GRM8: variants seen among roughly 807,000 people sequenced by gnomAD.
GRM8 encodes metabotropic glutamate receptor 8.
In GRM8, 47 loss-of-function variants were observed where a neutral mutation model predicts 87.2. The observed-to-expected ratio is 0.54, with a 90% confidence interval of 0.43 to 0.69. The LOEUF is 0.69. Among genes scored for constraint, GRM8 ranks in the 30% least tolerant of loss-of-function variants. The pLI, the probability that GRM8 is intolerant of heterozygous loss-of-function variation, is 0.00. For synonymous variants in GRM8, 396 were observed against 404.5 expected, an observed-to-expected ratio of 0.98 and a Z score of 0.25; for missense variants, 1,019 against 1,139.2, an observed-to-expected ratio of 0.89 and a Z score of 1.52.
intron 7 of GRM8, among the ~76,000 whole-genome samples, chr7:126,716,528 C>T (rs937593641): frequency 2.6e-5 from 4 of 152,118 alleles, no homozygotes; most frequent in African/African-American, 9.7e-5. Flanking sequence ...GCTGCTAGAA[C>T]GTATGACTTC....
intron 9 of GRM8, among the ~76,000 whole-genome samples, chr7:126,529,984 G>T (rs1814543686): frequency 6.6e-6 from 1 of 151,954 alleles, no homozygotes; most frequent in South Asian, 2.1e-4. Flanking sequence ...AAATCTATTG[G>T]GAAAAATGAT....
chr7:126,862,320 C>T (rs1452169483), intron 6 of GRM8, among the ~76,000 whole-genome samples: 2 of 151,880 alleles, frequency 1.3e-5, no homozygotes, highest in East Asian at 3.8e-4. Context: ...AAAATAATAA[C>T]TAGATATCTT....
intron 7 of GRM8, among the ~76,000 whole-genome samples, chr7:126,616,263 T>C (rs544268120): frequency 7.2e-5 from 11 of 152,176 alleles, no homozygotes; most frequent in East Asian, 3.8e-4. Context: ...AACAACCTGC[T>C]CCTGAATGAC....
At chr7:126,494,557 G>C (rs1200210485) in intron 9 of GRM8, among the ~76,000 whole-genome samples, 1 of 151,894 alleles carries the variant, frequency 6.6e-6, no homozygotes, top group Non-Finnish European at 1.5e-5. Context: ...GTAACTGATT[G>C]CAAGCACTTA....
intron 6 of GRM8, among the ~76,000 whole-genome samples, chr7:126,872,019 T>C (rs1799142838): frequency 6.6e-6 from 1 of 152,160 alleles, no homozygotes; most frequent in Admixed American, 6.5e-5. Flanking sequence ...TGTGCAGATA[T>C]TGCCAGCCCA....
rs529464678 is a variant in GRM8, at chr7:126,890,409, T to C, written c.1156+12133A>G. Among the ~76,000 whole-genome samples, 9 of 152,204 alleles carry C rather than the reference T, an allele frequency of 5.9e-5. No individual in the cohort carries two copies. The East Asian group carries it at 1.6e-3, about 26-fold the overall frequency. ...CTAGCTAAAAATGGGAAAACATAATTAGGAGAACCTTGAACTATCTCACAT... is the reference window on the plus strand; with the variant it reads ...CTAGCTAAAAATGGGAAAACATAATCAGGAGAACCTTGAACTATCTCACAT... On this transcript the variant is annotated intron_variant, in intron 6 of 10. Coordinates refer to ENST00000339582, the MANE Select transcript of GRM8 (RefSeq NM_000845.3).
intron 3 of GRM8, chr7:127,076,163 T>C: frequency 2.2e-6 from 1 of 456,594 alleles, no homozygotes; most frequent in Non-Finnish European, 4.4e-6. Context: ...GAAGCAGAAA[T>C]TGGTAAACAA....
intron 7 of GRM8, among the ~76,000 whole-genome samples, chr7:126,614,708 C>T (rs962788098): frequency 2.0e-4 from 31 of 152,022 alleles, no homozygotes; most frequent in Admixed American, 1.8e-3. Flanking sequence ...AACTATGGCA[C>T]GAGAAATACG....
intron 3 of GRM8, among the ~76,000 whole-genome samples, chr7:127,063,272 CA>C (rs1820798433): frequency 6.6e-6 from 1 of 150,568 alleles, no homozygotes; most frequent in African/African-American, 2.5e-5. Context: ...AACAAACAAA[CA>C]AAAAAGCAAC....
chr7:127,073,097 C>T (rs562160925), intron 3 of GRM8, among the ~76,000 whole-genome samples: 13 of 152,234 alleles, frequency 8.5e-5, no homozygotes, highest in Admixed American at 4.6e-4. Context: ...GTAGGAAGAA[C>T]GCCTTCCTCT....
intron 2 of GRM8, among the ~76,000 whole-genome samples, chr7:127,210,378 T>C (rs1317970641): frequency 6.6e-6 from 1 of 152,190 alleles, no homozygotes; most frequent in Non-Finnish European, 1.5e-5. Flanking sequence ...GAGCTGGGCA[T>C]TGGCTAAAAA....
At chr7:126,734,278 A>G (rs1813946012) in intron 7 of GRM8, among the ~76,000 whole-genome samples, 1 of 151,938 alleles carries the variant, frequency 6.6e-6, no homozygotes, top group Non-Finnish European at 1.5e-5. Context: ...AAGTGGATAA[A>G]TTTTAAAACA....
intron 7 of GRM8, among the ~76,000 whole-genome samples, chr7:126,697,950 A>C (rs947450641): frequency 5.3e-5 from 8 of 152,210 alleles, no homozygotes; most frequent in Non-Finnish European, 1.0e-4. Flanking sequence ...CATTTCAGAA[A>C]TAAAATATTT....
intron 2 of GRM8, among the ~76,000 whole-genome samples, chr7:127,238,512 GA>G (rs1563601379): frequency 6.6e-6 from 1 of 152,120 alleles, no homozygotes; most frequent in Non-Finnish European, 1.5e-5. Context: ...CCTGCCATTC[GA>G]AAAGCCTCCC....
Position 126,932,846 on chromosome 7 carries a change from T to A in GRM8, c.728-28163A>T, listed in dbSNP as rs75465104. Reference sequence around the variant, plus strand: ...AAATGAATTTGTGTGATTCAGATTGTGGAGGCAAGAAAGAGAGAGATAGAT... The same window carrying A: ...AAATGAATTTGTGTGATTCAGATTGAGGAGGCAAGAAAGAGAGAGATAGAT... On this transcript the variant is annotated intron_variant, in intron 3 of 10. Coordinates refer to ENST00000339582, the MANE Select transcript of GRM8 (RefSeq NM_000845.3). 8.1e-3 allele frequency among the ~76,000 whole-genome samples: 1,235 copies of A among 152,256 alleles called. 16 individuals carry two copies. The highest frequency in any genetic ancestry group is 0.028 in the African/African-American group (1,174 of 41,552).
chr7:126,763,913 T>C (rs899730792), intron 7 of GRM8, among the ~76,000 whole-genome samples: 2 of 151,986 alleles, frequency 1.3e-5, no homozygotes, highest in African/African-American at 4.8e-5. Context: ...TTTTTTCAAA[T>C]ATGTTGTATG....
At chr7:126,764,763 A>T (rs1016235619) in intron 7 of GRM8, among the ~76,000 whole-genome samples, 5 of 152,058 alleles carry the variant, frequency 3.3e-5, no homozygotes, top group African/African-American at 1.2e-4. Flanking sequence ...AGATAATTCA[A>T]CCCCAATACA....
At chr7:127,149,846 C>G (rs944264015) in intron 2 of GRM8, among the ~76,000 whole-genome samples, 5 of 151,804 alleles carry the variant, frequency 3.3e-5, no homozygotes, top group African/African-American at 1.2e-4. Flanking sequence ...TCTAAAAAAT[C>G]AGAGATAGAG....
chr7:126,923,733 AG>A (rs1804787185), intron 3 of GRM8, among the ~76,000 whole-genome samples: 1 of 152,122 alleles, frequency 6.6e-6, no homozygotes, highest in African/African-American at 2.4e-5. Flanking sequence ...TAACTTTGGT[AG>A]GTGTTCAGTA....
Sources: allele counts gnomAD v4.1 joint callset (sites outside exome capture counted in the v4.1 genomes callset), GRCh38; gene constraint gnomAD v4.1.1; transcripts MANE v1.5; gene names NCBI Gene and HGNC (gene_info 2026-07-23, HGNC 2026-07-21).